MAGI3: variants seen among roughly 807,000 people sequenced by gnomAD.
MAGI3 encodes the protein membrane-associated guanylate kinase, WW and PDZ domain-containing protein 3.
A neutral mutation model predicts 121.8 loss-of-function variants in MAGI3; 43 were observed. The observed-to-expected ratio is 0.35, with a 90% CI of 0.28 to 0.46. MAGI3 has a LOEUF of 0.46. Among genes scored for constraint, MAGI3 ranks in the 20% least tolerant of loss-of-function variants. The pLI is 1.00. For missense variants in MAGI3, 1,547 were observed against 1,797.3 expected, an observed-to-expected ratio of 0.86 and a Z score of 2.52; for synonymous variants, 553 against 639.3, an observed-to-expected ratio of 0.86 and a Z score of 2.04.
chr1:113,633,775 G>A (rs1056843115), intron 9 of MAGI3, among the ~76,000 whole-genome samples: 22 of 152,080 alleles, frequency 1.4e-4, no homozygotes, highest in Non-Finnish European at 2.8e-4. Context: ...TGGGTCAAAT[G>A]GTATTTCTAG....
intron 1 of MAGI3, among the ~76,000 whole-genome samples, chr1:113,514,551 C>A (rs1478363100): frequency 6.6e-6 from 1 of 151,554 alleles, no homozygotes; most frequent in South Asian, 2.1e-4. Flanking sequence ...CGCATATTCT[C>A]ACTCATAGGT....
chr1:113,570,822 T>A (rs949098170), intron 2 of MAGI3, among the ~76,000 whole-genome samples: 2 of 152,184 alleles, frequency 1.3e-5, no homozygotes, highest in African/African-American at 4.8e-5. Flanking sequence ...AATGCAAAAA[T>A]TTTCTCCCAT....
chr1:113,597,966 C>G (rs1557843580), intron 6 of MAGI3, among the ~76,000 whole-genome samples: 1 of 152,242 alleles, frequency 6.6e-6, no homozygotes, highest in East Asian at 1.9e-4. Context: ...GTAATCCCAG[C>G]ACTTTGGGAG....
chr1:113,597,079 A>C (rs1368669127), intron 6 of MAGI3, among the ~76,000 whole-genome samples: 1 of 152,242 alleles, frequency 6.6e-6, no homozygotes. Flanking sequence ...CCAACTGTCC[A>C]TTAACCAATG....
chr1:113,436,375 A>G (rs551578102), intron 1 of MAGI3, among the ~76,000 whole-genome samples: 1 of 152,270 alleles, frequency 6.6e-6, no homozygotes, highest in African/African-American at 2.4e-5. Flanking sequence ...AAAACCAAAG[A>G]TTTCTCTAAT....
chr1:113,681,405 T>C (rs1648209132), intron 20 of MAGI3, 69 bp downstream of exon 20: 3 of 1,520,076 alleles, frequency 2.0e-6, no homozygotes, highest in Non-Finnish European at 2.7e-6. Context: ...AAAAGGAATA[T>C]ATATTTGGAG....
intron 4 of MAGI3, among the ~76,000 whole-genome samples, chr1:113,589,057 C>T (rs1648547949): frequency 6.6e-6 from 1 of 152,050 alleles, no homozygotes; most frequent in Non-Finnish European, 1.5e-5. Context: ...AGGGTTAGCC[C>T]TAGCTAGGAG....
chr1:113,414,732 A>G (rs938631343), intron 1 of MAGI3, among the ~76,000 whole-genome samples: 3 of 151,932 alleles, frequency 2.0e-5, no homozygotes, highest in African/African-American at 7.3e-5. Flanking sequence ...TGAGTCTTCT[A>G]TTTTATTTTA....
In MAGI3 at chr1:113,478,061, A is replaced by G. The variant is rs556964708; in HGVS notation, c.317-71454A>G. On this transcript the variant is annotated intron_variant, in intron 1 of 20. Transcript: ENST00000307546. ...GCAGGCGTCACGAAGTTCTCGTGCCATGGTTTTCAGCTCCATCAGGTCATT... is the reference window on the plus strand; with the variant it reads ...GCAGGCGTCACGAAGTTCTCGTGCCGTGGTTTTCAGCTCCATCAGGTCATT... Among the ~76,000 whole-genome samples, 133 of 152,260 alleles carry G rather than the reference A, an allele frequency of 8.7e-4. 1 individual carries two copies. The highest frequency in any genetic ancestry group is 2.9e-3 in the African/African-American group (122 of 41,560).
chr1:113,594,903 A>G (rs1344320456), intron 6 of MAGI3, among the ~76,000 whole-genome samples: 2 of 152,240 alleles, frequency 1.3e-5, no homozygotes, highest in Non-Finnish European at 2.9e-5. Flanking sequence ...AGCTAGGTCT[A>G]TCATGTCTTA....
intron 2 of MAGI3, among the ~76,000 whole-genome samples, chr1:113,569,720 G>T (rs1340209512): frequency 6.6e-6 from 1 of 152,084 alleles, no homozygotes; most frequent in Non-Finnish European, 1.5e-5. Flanking sequence ...CTACAGTTGG[G>T]AAGCATCTTA....
Position 113,641,967 on chromosome 1 carries a change from G to A in MAGI3, c.1417G>A (p.Val473Ile), listed in dbSNP as rs1210357414. The A allele has an allele frequency of 3.1e-6, 5 of 1,612,132 alleles. No homozygotes were observed. Among genetic ancestry groups the A allele is most frequent in the South Asian group, 1.1e-5 (1 of 91,034 alleles). The change falls in exon 10 of 21, where the codon GTT becomes ATT. Residue 473 changes from valine to isoleucine, a missense_variant. Physicochemically the swap from Val to Ile is conservative, Grantham distance 29 (BLOSUM62 3). Coordinates refer to ENST00000307546, the MANE Select transcript of MAGI3 (RefSeq NM_001142782.2). Reference sequence around the variant, plus strand: ...TGTCCTCGGTCACACTCATGCAGATGTTGTCCAGATGTTTCAATTGGTACC... The same window carrying A: ...TGTCCTCGGTCACACTCATGCAGATATTGTCCAGATGTTTCAATTGGTACC... ...NCVLGHTHAD[V>I]VQMFQLVPVN...
At chr1:113,580,691 C>A (rs1035762847) in intron 3 of MAGI3, 30 bp downstream of exon 3, 4 of 1,547,924 alleles carry the variant, frequency 2.6e-6, no homozygotes, top group Non-Finnish European at 3.5e-6. Flanking sequence ...CACTACCACC[C>A]AAAAAACTAT....
At chr1:113,514,389 T>C (rs12354322) in intron 1 of MAGI3, among the ~76,000 whole-genome samples, 24,125 of 151,942 alleles carry the variant, frequency 0.16, 2,221 homozygotes, top group Non-Finnish European at 0.2. Flanking sequence ...TGTCCAACAA[T>C]GATAGACTGG....
chr1:113,642,134 T>C lies in MAGI3; in HGVS notation c.1584T>C (p.Pro528=). ...CCAAGGGAGAGACTTGCATGAATCC[T>C]CAGGATTTTAAGCCAGGAGCAATGG... ...SLTKGETCMN[P]QDFKPGAMVL... is the part of the protein sequence containing the mutation. Residue 528 remains proline, a synonymous_variant, in exon 10 of 21, where the codon CCT becomes CCC. Transcript: ENST00000307546. The C allele has an allele frequency of 6.2e-7, 1 of 1,614,164 alleles. No individual in the cohort carries two copies. The highest frequency in any genetic ancestry group is 8.5e-7 in the Non-Finnish European group (1 of 1,180,038).
chr1:113,477,633 G>A (rs1276066451), intron 1 of MAGI3, among the ~76,000 whole-genome samples: 8 of 152,110 alleles, frequency 5.3e-5, no homozygotes, highest in Non-Finnish European at 1.0e-4. Flanking sequence ...TGGGTAACTC[G>A]ACCTTTCTCT....
chr1:113,565,321 G>T (rs1288940526), intron 2 of MAGI3, among the ~76,000 whole-genome samples: 1 of 152,084 alleles, frequency 6.6e-6, no homozygotes, highest in Non-Finnish European at 1.5e-5. Flanking sequence ...AAAGTATGTT[G>T]TTTCATGTAA....
At chr1:113,590,701 T>A in intron 5 of MAGI3, 43 bp downstream of exon 5, 1 of 1,537,548 alleles carries the variant, frequency 6.5e-7, no homozygotes, top group Non-Finnish European at 8.7e-7. Flanking sequence ...CCTAACATGT[T>A]GAGGATTGTC....
chr1:113,585,383 T>G lies in MAGI3; in HGVS notation c.554-4T>G, dbSNP rs775906989. On this transcript the variant is annotated splice_region_variant and splice_polypyrimidine_tract_variant and intron_variant, in intron 3 of 20. Transcript: ENST00000307546. The stretch of plus-strand genomic sequence containing the variant: ...AATTTCAGCTGCTATTTTATTCACT[T>G]CAGGAAACTTCTATGGAACTCCCAA... The G allele has an allele frequency of 5.3e-5, 85 of 1,613,516 alleles. No individual in the cohort carries two copies. The highest frequency in any genetic ancestry group is 6.9e-5 in the Non-Finnish European group (81 of 1,179,690).
Sources: gnomAD v4.1 joint callset for allele counts (sites outside exome capture counted in the v4.1 genomes callset) on GRCh38, gnomAD v4.1.1 for gene constraint, MANE v1.5 for transcripts, NCBI Gene and HGNC (gene_info 2026-07-23, HGNC 2026-07-21) for gene names.